Variants in ATP10B observed in about 807,000 individuals in gnomAD.
The protein encoded by ATP10B is ATPase phospholipid transporting 10B (putative), also known as phospholipid-transporting ATPase VB.
In ATP10B, 122 loss-of-function variants were observed where a neutral mutation model predicts 141.2. The observed-to-expected ratio is 0.86, with a 90% CI of 0.75 to 1.00. The LOEUF (loss-of-function observed/expected upper bound fraction) is 1.00, where lower values mean the gene tolerates loss of function less well. Ranked by LOEUF, ATP10B falls within the 50% of genes least tolerant of loss-of-function variation. ATP10B has a pLI of 0.00. For synonymous variants in ATP10B, 685 were observed against 692.0 expected (o/e 0.99, Z 0.16); for missense variants, 1,876 against 1,825.3 (o/e 1.03, Z -0.51).
chr5:160,917,091 G>A, the ATP10B span, among the ~76,000 whole-genome samples: 3 of 152,016 alleles, frequency 2.0e-5, no homozygotes, highest in South Asian at 4.1e-4. Context: ...TGGCTCTATA[G>A]CATCTCTTCT....
At chr5:160,885,178 GTGAA>G in the ATP10B span, among the ~76,000 whole-genome samples, 1 of 152,232 alleles carries the variant, frequency 6.6e-6, no homozygotes, top group Non-Finnish European at 1.5e-5. Flanking sequence ...GAATACATAA[GTGAA>G]TGAATAAGTA....
At chr5:160,805,077 A>C (rs1382143514) in intron 1 of ATP10B, among the ~76,000 whole-genome samples, 2 of 152,276 alleles carry the variant, frequency 1.3e-5, no homozygotes, top group Non-Finnish European at 2.9e-5. Context: ...TCAAGGGTCA[A>C]CTAAATTTGT....
At chr5:160,849,040 C>T (rs4590214) in intron 1 of ATP10B, among the ~76,000 whole-genome samples, 111,427 of 152,064 alleles carry the variant, frequency 0.73, 42,485 homozygotes, top group East Asian at 0.97. Flanking sequence ...AGCATGTCTG[C>T]GGCAGGGCCT....
chr5:160,667,023 C>T (rs2127720635), intron 7 of ATP10B, among the ~76,000 whole-genome samples: 1 of 152,086 alleles, frequency 6.6e-6, no homozygotes, highest in Admixed American at 6.5e-5. Flanking sequence ...TCGAGACCAT[C>T]CTGGCTAACA....
At chr5:160,765,111 T>A (rs1769308436) in intron 2 of ATP10B, among the ~76,000 whole-genome samples, 1 of 152,164 alleles carries the variant, frequency 6.6e-6, no homozygotes, top group Non-Finnish European at 1.5e-5. Context: ...TATTCATGAA[T>A]GGGTAGAATC....
At chr5:160,755,879 T>TA (rs1561820713) in intron 2 of ATP10B, among the ~76,000 whole-genome samples, 4 of 116,640 alleles carry the variant, frequency 3.4e-5, no homozygotes, top group East Asian at 5.0e-4. Context: ...ATATATATAT[T>TA]ATAATTTTAT....
chr5:160,603,991 C>G lies in ATP10B; in HGVS notation c.3211G>C (p.Gly1071Arg). 6.2e-7 allele frequency: 1 copy of G among 1,613,742 alleles called. No individual in the cohort carries two copies. Among genetic ancestry groups the G allele is most frequent in the Non-Finnish European group, 8.5e-7 (1 of 1,179,788 alleles). Residue 1071 changes from glycine (G) to arginine (R), a missense_variant, in exon 20 of 26, where the codon GGA (glycine) becomes CGA (arginine). Transcript: ENST00000327245. ...TGCATGCCTTCCTGTCCAGATATTC[C>G]AATTCCAATATCAGCAGCTTGAATC... ...SMIQAADIGI[G>R]ISGQEGMQAV...
the ATP10B span, among the ~76,000 whole-genome samples, chr5:160,914,246 C>T: frequency 6.6e-6 from 1 of 152,028 alleles, no homozygotes; most frequent in Non-Finnish European, 1.5e-5. Context: ...TGTGTTAGAA[C>T]CAATGTCAAA....
chr5:160,625,231 T>C (rs115543144), intron 13 of ATP10B, among the ~76,000 whole-genome samples: 2,341 of 152,316 alleles, frequency 0.015, 27 homozygotes, highest in Middle Eastern at 0.075. Flanking sequence ...TTAACACCTA[T>C]ATCAGGCAAG....
chr5:160,775,749 C>T (rs1165069722), intron 2 of ATP10B, among the ~76,000 whole-genome samples: 2 of 145,166 alleles, frequency 1.4e-5, no homozygotes, highest in South Asian at 2.2e-4. Flanking sequence ...GGCGCGATCT[C>T]GGCTCGCTGC....
chr5:160,902,476 T>G, the ATP10B span, among the ~76,000 whole-genome samples: 1 of 149,752 alleles, frequency 6.7e-6, no homozygotes, highest in African/African-American at 2.5e-5. Context: ...GGCAAATGTA[T>G]AGGTGAGACC....
chr5:160,637,743 G>A (rs1759526058), intron 10 of ATP10B, among the ~76,000 whole-genome samples: 1 of 152,194 alleles, frequency 6.6e-6, no homozygotes, highest in Non-Finnish European at 1.5e-5. Context: ...AATGCTCTCA[G>A]CTCCAAGAAG....
At chr5:160,745,364 A>C (rs946956615) in intron 2 of ATP10B, among the ~76,000 whole-genome samples, 4 of 152,258 alleles carry the variant, frequency 2.6e-5, no homozygotes, top group African/African-American at 9.6e-5. Flanking sequence ...GCATGAATCA[A>C]AATTGTCACA....
intron 25 of ATP10B, among the ~76,000 whole-genome samples, chr5:160,566,428 T>G (rs1010265276): frequency 1.3e-5 from 2 of 152,378 alleles, no homozygotes; most frequent in East Asian, 3.9e-4. Flanking sequence ...AGAATCCACA[T>G]TCTTTTCTTG....
At chr5:160,926,494 T>G in the ATP10B span, among the ~76,000 whole-genome samples, 1 of 152,132 alleles carries the variant, frequency 6.6e-6, no homozygotes, top group Non-Finnish European at 1.5e-5. Flanking sequence ...AGGAGAGACT[T>G]AAAAACAGGA....
At chr5:160,624,210 C>CA (rs1436661879) in intron 13 of ATP10B, among the ~76,000 whole-genome samples, 2 of 152,192 alleles carry the variant, frequency 1.3e-5, no homozygotes, top group Non-Finnish European at 2.9e-5. Flanking sequence ...AAAACAAAAA[C>CA]AAAAAACCCA....
chr5:160,662,493 A>T (rs545299082), intron 7 of ATP10B, among the ~76,000 whole-genome samples: 26 of 152,334 alleles, frequency 1.7e-4, no homozygotes, highest in African/African-American at 6.0e-4. Flanking sequence ...ATAATGCCAC[A>T]TATCTACAAC....
chr5:160,690,094 C>T (rs1035431343), intron 3 of ATP10B, among the ~76,000 whole-genome samples: 2 of 151,966 alleles, frequency 1.3e-5, no homozygotes, highest in African/African-American at 4.8e-5. Context: ...CTGACAAAAA[C>T]GAGCAATGGG....
At chr5:160,650,547 G>A (rs1328474814) in intron 7 of ATP10B, among the ~76,000 whole-genome samples, 4 of 152,086 alleles carry the variant, frequency 2.6e-5, no homozygotes, top group Non-Finnish European at 5.9e-5. Context: ...AAGTTTAATG[G>A]TGTCTAAAGG....
Sources: gnomAD v4.1 joint callset for allele counts (sites outside exome capture counted in the v4.1 genomes callset) on GRCh38, gnomAD v4.1.1 for gene constraint, MANE v1.5 for transcripts, NCBI Gene and HGNC (gene_info 2026-07-23, HGNC 2026-07-21) for gene names.